Variants in MYT1 observed in about 807,000 individuals in gnomAD.
The protein encoded by MYT1 is myelin transcription factor I.
A neutral mutation model predicts 123.0 loss-of-function variants in MYT1; 23 were observed. The ratio of observed to expected loss-of-function variants is 0.19; its 90% confidence interval spans 0.13 to 0.26. The LOEUF (loss-of-function observed/expected upper bound fraction) is 0.26, where lower values mean the gene tolerates loss of function less well. Ranked by LOEUF, MYT1 falls within the 10% of genes least tolerant of loss-of-function variation. MYT1 has a pLI of 1.00. For synonymous variants in MYT1, 518 were observed against 575.3 expected (o/e 0.90, Z 1.43); for missense variants, 1,125 against 1,472.5 (o/e 0.76, Z 3.86).
At chr20:64,234,769 A>C in intron 19 of MYT1, among the ~76,000 whole-genome samples, 1 of 106,474 alleles carries the variant, frequency 9.4e-6, no homozygotes. Flanking sequence ...TGGCCGTGGT[A>C]TGTGACCCTG....
intron 1 of MYT1, among the ~76,000 whole-genome samples, chr20:64,187,453 T>C (rs1346560602): frequency 6.6e-6 from 1 of 151,718 alleles, no homozygotes; most frequent in Non-Finnish European, 1.5e-5. Flanking sequence ...GGCCCCGGCA[T>C]CCACGTTTCC....
chr20:64,214,117 A>G (rs1983766474), intron 10 of MYT1, among the ~76,000 whole-genome samples: 1 of 152,148 alleles, frequency 6.6e-6, no homozygotes, highest in Admixed American at 6.5e-5. Flanking sequence ...CCAGGGATAG[A>G]CCCCAAGTCA....
Position 64,196,732 on chromosome 20 carries a change from G to A in MYT1, c.1-2130G>A, listed in dbSNP as rs577178287. Among the ~76,000 whole-genome samples, 9 of 152,226 alleles carry A rather than the reference G, an allele frequency of 5.9e-5. No homozygotes were observed. Among genetic ancestry groups the A allele is most frequent in the East Asian group, 1.9e-4 (1 of 5,184 alleles). ...CGGCAGAGCTGTCAGCTTCATCAAC[G>A]GGAGCTCACAGTTTTCAAGCAGTGC... On this transcript the variant is annotated intron_variant, in intron 2 of 22. Coordinates refer to ENST00000328439, the MANE Select transcript of MYT1 (RefSeq NM_004535.3). The surrounding 1 kb of genome is among the most constrained non-coding windows in gnomAD (Gnocchi z 4.3).
rs1982146866 is a variant in MYT1 at position 64,168,406 on chromosome 20, C to T, written c.-99+3667C>T. On this transcript the variant is annotated intron_variant, in intron 1 of 22. Coordinates refer to ENST00000328439, the MANE Select transcript of MYT1 (RefSeq NM_004535.3). The surrounding 1 kb of genome is among the most constrained non-coding windows in gnomAD (Gnocchi z 6.1). ...GATTGGTTTCACCCATCACTTCATC[C>T]TTTTTTTTATTTTACAATTTGCACT... 6.6e-6 allele frequency among the ~76,000 whole-genome samples: 1 copy of T among 152,096 alleles called. No individual in the cohort carries two copies. The highest frequency in any genetic ancestry group is 1.5e-5 in the Non-Finnish European group (1 of 68,014).
Position 64,232,138 on chromosome 20 carries a change from A to G in MYT1, c.2676-26A>G. The G allele has an allele frequency of 6.2e-7, 1 of 1,609,618 alleles. No individual in the cohort carries two copies. The highest frequency in any genetic ancestry group is 8.5e-7 in the Non-Finnish European group (1 of 1,178,298). ...TCTCCTCCCAACCCTTCGCCCCTGT[A>G]CTCACCCCGGCCTCTCTGTACCCAG... On this transcript the variant is annotated intron_variant, in intron 18 of 22. Transcript: ENST00000328439. The surrounding 1 kb of genome is among the most constrained non-coding windows in gnomAD (Gnocchi z 6.9).
chr20:64,194,905 A>T (rs1013137953), intron 2 of MYT1, among the ~76,000 whole-genome samples: 2 of 151,550 alleles, frequency 1.3e-5, no homozygotes, highest in African/African-American at 4.8e-5. Context: ...TTCATTTTTT[A>T]TTTTTTTTGA....
intron 12 of MYT1, among the ~76,000 whole-genome samples, chr20:64,219,252 A>G (rs1352035715): frequency 6.6e-6 from 1 of 152,204 alleles, no homozygotes; most frequent in Admixed American, 6.5e-5. Flanking sequence ...GTGAAGGGGG[A>G]CCAAGGGCTG....
Position 64,167,274 on chromosome 20 carries a change from C to T in MYT1, c.-99+2535C>T, listed in dbSNP as rs769950922. On this transcript the variant is annotated intron_variant, in intron 1 of 22. Transcript: ENST00000328439. The surrounding 1 kb of genome is among the most constrained non-coding windows in gnomAD (Gnocchi z 6.3). ...CCAGCCGCTGCTCGGTGGCAGTGGG[C>T]GGGCTGGTGGGGGCTGAGCTCTTCC... is the stretch of plus-strand genomic sequence containing the variant. 5.3e-5 allele frequency among the ~76,000 whole-genome samples: 8 copies of T among 152,150 alleles called. No individual in the cohort carries two copies. Among genetic ancestry groups the T allele is most frequent in the Non-Finnish European group, 7.4e-5 (5 of 68,006 alleles).
chr20:64,236,730 G>C, intron 20 of MYT1, 84 bp downstream of exon 20: 2 of 1,194,640 alleles, frequency 1.7e-6, no homozygotes, highest in South Asian at 2.5e-5. Context: ...CTGGTGGGAA[G>C]AAGGTTAGGG....
At chr20:64,179,896 C>T (rs1180368402) in intron 1 of MYT1, among the ~76,000 whole-genome samples, 1 of 151,538 alleles carries the variant, frequency 6.6e-6, no homozygotes, top group African/African-American at 2.4e-5. Context: ...ACACGCTACA[C>T]AGTTACATGC....
Position 64,208,021 on chromosome 20 carries a change from AGAAGAG to A in MYT1, c.840_845del (p.Glu305_Glu306del), listed in dbSNP as rs746495470. On this transcript the variant is annotated inframe_deletion, in exon 7 of 23. Transcript: ENST00000328439. The surrounding 1 kb of genome is among the most constrained non-coding windows in gnomAD (Gnocchi z 5.4). ...AGGAAGAGGAGGAGGAGGAGGATGA[AGAAGAG>A]GAAGAGGAAGAGGAGGAGGAAGAGG... 3,297 of 1,588,940 alleles carry A rather than the reference AGAAGAG, an allele frequency of 2.1e-3. 6 individuals are homozygous for A. The highest frequency in any genetic ancestry group is 2.6e-3 in the Non-Finnish European group (3,028 of 1,167,444).
In MYT1 at chr20:64,192,587, T is replaced by C. The variant is rs1440129568; in HGVS notation, c.-1+2427T>C. ...GTGCCTCTGAGTTCAGCACCAGGCA[T>C]GTGGACAGCTCAGGACCGGTTGGAA... On this transcript the variant is annotated intron_variant, in intron 2 of 22. Transcript: ENST00000328439. The surrounding 1 kb of genome is among the most constrained non-coding windows in gnomAD (Gnocchi z 5.3). 6.6e-6 allele frequency among the ~76,000 whole-genome samples: 1 copy of C among 152,134 alleles called. No individual in the cohort carries two copies. Among genetic ancestry groups the C allele is most frequent in the Non-Finnish European group, 1.5e-5 (1 of 68,012 alleles).
chr20:64,220,785 T>TG lies in MYT1; in HGVS notation c.2241+807dup, dbSNP rs5842446. Among the ~76,000 whole-genome samples, 12 of 97,028 alleles carry TG rather than the reference T, an allele frequency of 1.2e-4. 1 individual carries two copies. The highest frequency in any genetic ancestry group is 1.0e-4 in the Non-Finnish European group (4 of 39,742). The allele number at this position is 97,028 out of a possible 152,430, so 63.7% of individuals were successfully genotyped here. On this transcript the variant is annotated intron_variant, in intron 13 of 22. Transcript: ENST00000328439. Reference sequence around the variant, plus strand: ...GACCCTCAAGGAGGAATGAGGGGGGTGGGGCTAGGCCCCTATGAAGGGTGG... The same window carrying TG: ...GACCCTCAAGGAGGAATGAGGGGGGTGGGGGCTAGGCCCCTATGAAGGGTGG...
At chr20:64,223,007 C>A (rs529528735) in intron 14 of MYT1, 104 bp from the exon 15 acceptor site, 11 of 1,329,842 alleles carry the variant, frequency 8.3e-6, no homozygotes, top group Admixed American at 3.4e-5. Context: ...GCTTGGCTCG[C>A]GGGTGAGCCA....
chr20:64,181,448 C>T (rs1376011467), intron 1 of MYT1, among the ~76,000 whole-genome samples: 2 of 152,114 alleles, frequency 1.3e-5, no homozygotes, highest in African/African-American at 4.8e-5. Context: ...CTCTATCTCC[C>T]AAGTCTTCTG....
chr20:64,204,850 G>A (rs537441965), intron 4 of MYT1, among the ~76,000 whole-genome samples, 185 bp from the exon 5 acceptor site: 16 of 152,282 alleles, frequency 1.1e-4, no homozygotes, highest in African/African-American at 1.4e-4. Context: ...TTGAACACTC[G>A]TAAAACTGTA....
At chr20:64,220,547 T>C (rs899577140) in intron 13 of MYT1, among the ~76,000 whole-genome samples, 10 of 152,190 alleles carry the variant, frequency 6.6e-5, no homozygotes, top group Admixed American at 5.9e-4. Context: ...CCTTAAAACA[T>C]GTGAAAGAAG....
At chr20:64,200,464 A>G (rs1170537913) in intron 4 of MYT1, among the ~76,000 whole-genome samples, 2 of 152,228 alleles carry the variant, frequency 1.3e-5, no homozygotes, top group South Asian at 2.1e-4. Flanking sequence ...TCAGCATACA[A>G]TTGAAGAGTG....
intron 6 of MYT1, 119 bp downstream of exon 6, chr20:64,205,919 G>A: frequency 2.1e-6 from 3 of 1,461,976 alleles, no homozygotes; most frequent in Non-Finnish European, 2.7e-6. Flanking sequence ...TGAGAACAAG[G>A]CATGTCTTGT....
Sources: allele counts gnomAD v4.1 joint callset (sites outside exome capture counted in the v4.1 genomes callset), GRCh38; gene constraint gnomAD v4.1.1; non-coding constraint Gnocchi (gnomAD v3.1); transcripts MANE v1.5; gene names NCBI Gene and HGNC (gene_info 2026-07-23, HGNC 2026-07-21).